DOCK2: variants seen among roughly 807,000 people sequenced by gnomAD.
The protein encoded by DOCK2 is dedicator of cytokinesis 2.
Under a neutral mutation model 248.9 loss-of-function variants are expected in DOCK2, and 87 were observed. The ratio of observed to expected loss-of-function variants is 0.35; its 90% CI spans 0.29 to 0.42. The LOEUF is 0.42. DOCK2 is among the 10% of genes least tolerant of loss of function. The pLI, the probability that DOCK2 is intolerant of heterozygous loss-of-function variation, is 1.00. For synonymous variants in DOCK2, 805 were observed against 821.6 expected (o/e 0.98, Z 0.35); for missense variants, 1,747 against 2,300.2 (o/e 0.76, Z 4.92).
At chr5:169,705,162 C>G (rs1761195642) in intron 14 of DOCK2, among the ~76,000 whole-genome samples, 1 of 152,028 alleles carries the variant, frequency 6.6e-6, no homozygotes, top group South Asian at 2.1e-4. Flanking sequence ...GACCCTTTCT[C>G]AACAAACAGA....
intron 14 of DOCK2, among the ~76,000 whole-genome samples, chr5:169,704,826 G>T (rs1313552751): frequency 2.0e-5 from 3 of 150,718 alleles, no homozygotes; most frequent in African/African-American, 7.3e-5. Context: ...CACACACTAT[G>T]TGCCCACAAA....
chr5:170,067,302 C>A (rs1757527387), intron 44 of DOCK2, among the ~76,000 whole-genome samples: 1 of 152,154 alleles, frequency 6.6e-6, no homozygotes. Flanking sequence ...CCAAAGAAAT[C>A]CCTTTCTCAC....
At chr5:169,947,036 T>C (rs182899599) in intron 27 of DOCK2, among the ~76,000 whole-genome samples, 3 of 152,310 alleles carry the variant, frequency 2.0e-5, no homozygotes, top group South Asian at 2.1e-4. Flanking sequence ...GAGTTTACAA[T>C]GTATCTGGAA....
intron 28 of DOCK2, among the ~76,000 whole-genome samples, chr5:169,985,288 G>A (rs904783173): frequency 2.6e-5 from 4 of 151,710 alleles, no homozygotes; most frequent in African/African-American, 9.7e-5. Flanking sequence ...GCTGAAGTCC[G>A]CTAAGAACCT....
chr5:169,997,262 A>G (rs549338155), intron 30 of DOCK2, among the ~76,000 whole-genome samples: 2,135 of 129,130 alleles, frequency 0.017, 90 homozygotes, highest in African/African-American at 0.068. Flanking sequence ...CTCCAGCCCT[A>G]AGGCGGTTTT....
intron 26 of DOCK2, among the ~76,000 whole-genome samples, chr5:169,818,228 A>G (rs1768191310): frequency 6.6e-6 from 1 of 152,166 alleles, no homozygotes; most frequent in African/African-American, 2.4e-5. Context: ...ACCTTACCTG[A>G]CAATCACCAC....
intron 3 of DOCK2, among the ~76,000 whole-genome samples, chr5:169,669,903 C>G (rs137985744): frequency 6.6e-6 from 1 of 152,274 alleles, no homozygotes; most frequent in East Asian, 1.9e-4. Context: ...ATAAACTTAC[C>G]TTGTTAACTG....
intron 50 of DOCK2, chr5:170,081,630 T>C: frequency 1.7e-6 from 1 of 590,846 alleles, no homozygotes. Context: ...GCTGAACCCT[T>C]GTCTGTAGGG....
chr5:169,673,251 A>C (rs1759136125), intron 5 of DOCK2, among the ~76,000 whole-genome samples: 1 of 152,026 alleles, frequency 6.6e-6, no homozygotes, highest in Non-Finnish European at 1.5e-5. Context: ...CCCACCTAGA[A>C]TCACCTCATT....
chr5:169,884,536 G>C (rs1772858245), intron 27 of DOCK2: 1 of 152,106 alleles, frequency 6.6e-6, no homozygotes, highest in Admixed American at 6.5e-5. Flanking sequence ...TCCTCCTTTG[G>C]GGCCATTGTT....
intron 25 of DOCK2, among the ~76,000 whole-genome samples, chr5:169,777,975 G>A (rs1765477297): frequency 1.3e-5 from 2 of 152,192 alleles, no homozygotes; most frequent in African/African-American, 4.8e-5. Flanking sequence ...TCTCAAATGA[G>A]AAGCTTGAAT....
chr5:169,820,101 G>C (rs529831190), intron 26 of DOCK2, among the ~76,000 whole-genome samples: 1 of 152,222 alleles, frequency 6.6e-6, no homozygotes, highest in Non-Finnish European at 1.5e-5. Context: ...TGAGGCTTGA[G>C]TAGGTAAACA....
At chr5:170,003,194 C>T (rs1360175028) in intron 30 of DOCK2, among the ~76,000 whole-genome samples, 1 of 152,212 alleles carries the variant, frequency 6.6e-6, no homozygotes, top group African/African-American at 2.4e-5. Flanking sequence ...GTGGATGCCT[C>T]GTTCTCAAAT....
In DOCK2 at chr5:169,915,823, A is replaced by G. The variant is rs148314594; in HGVS notation, c.2800-67245A>G. Among the ~76,000 whole-genome samples, 7 of 152,350 alleles carry G rather than the reference A, an allele frequency of 4.6e-5. No individual in the cohort carries two copies. In the East Asian group the frequency reaches 1.4e-3, roughly 29 times the overall value. On this transcript the variant is annotated intron_variant, in intron 27 of 51. Coordinates refer to ENST00000520908, the MANE Select transcript of DOCK2 (RefSeq NM_004946.3). ...ATCCCAAAACTGAGCTGGTACATAA[A>G]TCTAAGAAATGCAGGTGTGAGATTG...
chr5:169,875,145 G>C (rs540732888), intron 27 of DOCK2: 2 of 451,584 alleles, frequency 4.4e-6, no homozygotes, highest in African/African-American at 4.0e-5. Context: ...AAACTTTCTA[G>C]TAAATCAAGT....
intron 33 of DOCK2, among the ~76,000 whole-genome samples, chr5:170,023,107 T>C (rs1561885291): frequency 6.6e-6 from 1 of 152,078 alleles, no homozygotes; most frequent in African/African-American, 2.4e-5. Flanking sequence ...TATAGAGACC[T>C]TGGAGACTGG....
At chr5:169,873,003 T>C (rs908937880) in intron 27 of DOCK2, among the ~76,000 whole-genome samples, 1 of 152,206 alleles carries the variant, frequency 6.6e-6, no homozygotes, top group Non-Finnish European at 1.5e-5. Flanking sequence ...GATGGAGAAA[T>C]AAAGATCGGA....
At chr5:169,750,453 A>G (rs1763839295) in intron 23 of DOCK2, among the ~76,000 whole-genome samples, 1 of 152,218 alleles carries the variant, frequency 6.6e-6, no homozygotes, top group Non-Finnish European at 1.5e-5. Context: ...TTCCTCATCT[A>G]TAAGATTTCA....
intron 23 of DOCK2, among the ~76,000 whole-genome samples, chr5:169,754,923 A>ATTTATTTATTTATTTC (rs1168893673): frequency 7.2e-6 from 1 of 139,308 alleles, no homozygotes; most frequent in Non-Finnish European, 1.6e-5. Context: ...ATTTTTTATT[A>ATTTATTTATTTATTTC]TTTATTTATT....
Sources: gnomAD v4.1 joint callset for allele counts (sites outside exome capture counted in the v4.1 genomes callset) on GRCh38, gnomAD v4.1.1 for gene constraint, MANE v1.5 for transcripts, NCBI Gene and HGNC (gene_info 2026-07-23, HGNC 2026-07-21) for gene names.